Variants in ZNF469 observed in about 807,000 individuals in gnomAD.
ZNF469 encodes the protein zinc finger protein 469.
ZNF469 carries 1 observed loss-of-function variant against 1.0 expected under a neutral mutation model. The ratio of observed to expected loss-of-function variants is 1.00; its 90% confidence interval spans 0.35 to 4.73. ZNF469 has a LOEUF of 4.73. Among genes scored for constraint, ZNF469 ranks in the 30% most tolerant of loss-of-function variants. ZNF469 has a pLI of 0.16. For missense variants in ZNF469, 6,100 were observed against 5,356.3 expected, an observed-to-expected ratio of 1.14 and a Z score of -4.33; for synonymous variants, 2,703 against 2,363.4, an observed-to-expected ratio of 1.14 and a Z score of -4.17.
At chr16:88,117,191 T>TGAGAGCTGGGGTC in the ZNF469 span, among the ~76,000 whole-genome samples, 2 of 48,042 alleles carry the variant, frequency 4.2e-5, no homozygotes, top group Admixed American at 2.9e-4. Flanking sequence ...GGGCCGGGGA[T>TGAGAGCTGGGGTC]GTGTGAGGGC....
upstream of ZNF469, among the ~76,000 whole-genome samples, chr16:88,378,585 C>G (rs1319178471): frequency 2.0e-5 from 3 of 152,162 alleles, no homozygotes; most frequent in Admixed American, 2.0e-4. Context: ...GCACCTCTGC[C>G]CGGCTGCTCA....
At position 88,435,899 on chromosome 16, in the gene ZNF469, C is replaced by G. The variant is rs1010183160; in HGVS notation, c.8429C>G (p.Ala2810Gly). The change falls in exon 3 of 3, where the codon GCG (alanine) becomes GGG (glycine). Residue 2810 changes from alanine to glycine, a missense_variant. Transcript: ENST00000565624. ...TTTCCCGAGACTTCCAGCTCTCCGG[C>G]GGACAGCACCACCAGCAGCTGCCTC... Reference protein sequence around the residue: ...LGFPETSSSPADSTTSSCLQG... With the variant: ...LGFPETSSSPGDSTTSSCLQG... The G allele has an allele frequency of 3.2e-6, 5 of 1,549,954 alleles. No individual in the cohort carries two copies. Among genetic ancestry groups the G allele is most frequent in the Middle Eastern group, 1.7e-4 (1 of 6,010 alleles).
chr16:88,179,636 T>C, the ZNF469 span, among the ~76,000 whole-genome samples: 1 of 152,232 alleles, frequency 6.6e-6, no homozygotes, highest in South Asian at 2.1e-4. Flanking sequence ...AGCAGGGGCC[T>C]GGAAGTCTGC....
chr16:88,321,054 G>A, the ZNF469 span, among the ~76,000 whole-genome samples: 13 of 152,374 alleles, frequency 8.5e-5, no homozygotes, highest in South Asian at 6.2e-4. Flanking sequence ...GGGTGGGGAC[G>A]TGAGGGCCTT....
At chr16:88,130,179 A>C in the ZNF469 span, among the ~76,000 whole-genome samples, 29,474 of 152,168 alleles carry the variant, frequency 0.19, 3,266 homozygotes, top group East Asian at 0.46. Context: ...AGCTTGCAGC[A>C]TCGGGGTGCG....
the ZNF469 span, among the ~76,000 whole-genome samples, chr16:88,281,324 G>T: frequency 6.7e-6 from 1 of 148,782 alleles, no homozygotes; most frequent in African/African-American, 2.5e-5. Flanking sequence ...GTACTGTGCT[G>T]ATGTCGGTGC....
At chr16:88,315,680 G>T in the ZNF469 span, among the ~76,000 whole-genome samples, 1 of 152,200 alleles carries the variant, frequency 6.6e-6, no homozygotes, top group Admixed American at 6.5e-5. Context: ...TGTGCAGAAG[G>T]TGGGGGAGGG....
At position 88,431,338 on chromosome 16, in the gene ZNF469, C is replaced by T; in HGVS notation, c.3868C>T (p.His1290Tyr). The change falls in exon 3 of 3, where the codon CAC becomes TAC. Residue 1290 changes from histidine (H) to tyrosine (Y), a missense_variant. Coordinates refer to ENST00000565624, the MANE Select transcript of ZNF469 (RefSeq NM_001367624.2). ...PSGSLANTAP[H>Y]GSSPTPGVGS... ...GGGAAGCCTCGCCAACACGGCGCCC[C>T]ACGGAAGCTCGCCAACGCCAGGTGT... 1.3e-6 allele frequency: 2 copies of T among 1,549,576 alleles called. No individual in the cohort carries two copies. The highest frequency in any genetic ancestry group is 1.7e-6 in the Non-Finnish European group (2 of 1,146,616).
the ZNF469 span, among the ~76,000 whole-genome samples, chr16:88,340,083 A>C: frequency 0.22 from 33,445 of 152,022 alleles, 4,678 homozygotes; most frequent in African/African-American, 0.4. Flanking sequence ...AGTCCTCTCT[A>C]TAAAGTGAGT....
chr16:88,383,056 G>T lies in ZNF469; in HGVS notation c.-390G>T, dbSNP rs2092529367. On this transcript the variant is annotated 5_prime_UTR_variant, in exon 1 of 3. Transcript: ENST00000565624. ...GGCCCGCGGCGACCTGGGCAGGGTGGCGGCTGCTCCCTCTCCTCCCACCCC... is the reference window on the plus strand; with the variant it reads ...GGCCCGCGGCGACCTGGGCAGGGTGTCGGCTGCTCCCTCTCCTCCCACCCC... Among the ~76,000 whole-genome samples the T allele has an allele frequency of 2.0e-5, 3 of 151,564 alleles. No homozygotes were observed. Among genetic ancestry groups the T allele is most frequent in the South Asian group, 4.1e-4 (2 of 4,830 alleles).
intron 1 of ZNF469, among the ~76,000 whole-genome samples, chr16:88,383,728 G>C (rs917427373): frequency 6.6e-6 from 1 of 151,712 alleles, no homozygotes; most frequent in Non-Finnish European, 1.5e-5. Context: ...GCCCGGGCGT[G>C]CTGGCCCCGC....
At chr16:88,381,107 C>T (rs557448362), upstream of ZNF469, among the ~76,000 whole-genome samples, 1 of 147,602 alleles carries the variant, frequency 6.8e-6, no homozygotes, top group African/African-American at 2.6e-5. Context: ...CCCGGACATG[C>T]ACTCGCACAC....
At chr16:88,272,007 G>A in the ZNF469 span, among the ~76,000 whole-genome samples, 2 of 152,126 alleles carry the variant, frequency 1.3e-5, no homozygotes, top group African/African-American at 4.8e-5. Flanking sequence ...TGAATGGGTG[G>A]ACAGACGGAT....
At chr16:88,344,203 G>A in the ZNF469 span, among the ~76,000 whole-genome samples, 1 of 149,284 alleles carries the variant, frequency 6.7e-6, no homozygotes, top group Non-Finnish European at 1.5e-5. Context: ...GGAGACACGA[G>A]GATCCTGGAT....
the ZNF469 span, among the ~76,000 whole-genome samples, chr16:88,295,041 G>A: frequency 4.2e-5 from 6 of 143,712 alleles, no homozygotes; most frequent in African/African-American, 1.3e-4. Flanking sequence ...GTCATCTCGG[G>A]CCCCCAGGAT....
the ZNF469 span, among the ~76,000 whole-genome samples, chr16:88,328,800 C>T: frequency 3.0e-4 from 46 of 152,266 alleles, no homozygotes; most frequent in African/African-American, 1.1e-3. Flanking sequence ...ACAGTGAGCA[C>T]CACACAGGAA....
At chr16:88,250,146 A>G in the ZNF469 span, among the ~76,000 whole-genome samples, 1 of 152,246 alleles carries the variant, frequency 6.6e-6, no homozygotes, top group African/African-American at 2.4e-5. Context: ...AAAGCCACCA[A>G]TCAGATCAGG....
Position 88,439,465 on chromosome 16 carries a change from G to A in ZNF469, c.*133G>A. On this transcript the variant is annotated 3_prime_UTR_variant, in exon 3 of 3. Transcript: ENST00000565624. ...CTTGTGCAACTGCTCAGGCCTTGAT[G>A]TCAGAGCTGAGGTGGTGATGCTTTG... 2 of 1,002,002 alleles carry A rather than the reference G, an allele frequency of 2.0e-6. No homozygotes were observed. Among genetic ancestry groups the A allele is most frequent in the Non-Finnish European group, 3.0e-6 (2 of 663,506 alleles). The allele number at this position is 1,002,002 out of a possible 1,614,324, so 62.1% of individuals were successfully genotyped here.
At chr16:88,299,351 A>G in the ZNF469 span, among the ~76,000 whole-genome samples, 1 of 151,246 alleles carries the variant, frequency 6.6e-6, no homozygotes, top group Non-Finnish European at 1.5e-5. Context: ...TTGCAGCAGG[A>G]GAGGGCTTCT....
Sources: allele counts gnomAD v4.1 joint callset (sites outside exome capture counted in the v4.1 genomes callset), GRCh38; gene constraint gnomAD v4.1.1; transcripts MANE v1.5; gene names NCBI Gene and HGNC (gene_info 2026-07-23, HGNC 2026-07-21).